MCCC2: variants seen among roughly 807,000 people sequenced by gnomAD.
MCCC2 encodes the protein methylcrotonyl-CoA carboxylase subunit 2.
MCCC2 carries 52 observed loss-of-function variants against 77.2 expected under a neutral mutation model. That is an observed-to-expected ratio of 0.67 (90% confidence interval 0.54 to 0.85). MCCC2 has a LOEUF of 0.85. Among genes scored for constraint, MCCC2 ranks in the 40% least tolerant of loss-of-function variants. MCCC2 has a pLI of 0.00. For missense variants in MCCC2, 682 were observed against 703.2 expected (o/e 0.97, Z 0.34); for synonymous variants, 253 against 248.4 (o/e 1.02, Z -0.18).
Position 71,649,374 on chromosome 5 carries a change from C to T in MCCC2, c.1373+121C>T, listed in dbSNP as rs568076342. On this transcript the variant is annotated intron_variant, in intron 14 of 16. Coordinates refer to ENST00000340941, the MANE Select transcript of MCCC2 (RefSeq NM_022132.5). ...ATTCCCAGATCTCAATCAATTATAC[C>T]GTAATTTGTATCATTTGGAGGGGTG... 6.8e-5 allele frequency: 66 copies of T among 972,984 alleles called. 1 individual carries two copies. The highest frequency in any genetic ancestry group is 6.2e-4 in the South Asian group (43 of 69,282). The allele number at this position is 972,984 out of a possible 1,614,324, so 60.3% of individuals were successfully genotyped here. A position where few individuals can be genotyped will look rare whatever the true frequency, so the allele number is the denominator to read the frequency against.
At chr5:71,610,146 G>A (rs1464655924) in intron 6 of MCCC2, among the ~76,000 whole-genome samples, 1 of 152,270 alleles carries the variant, frequency 6.6e-6, no homozygotes, top group Non-Finnish European at 1.5e-5. Flanking sequence ...CCTGGGCAAT[G>A]GCGAGCGCCC....
intron 6 of MCCC2, among the ~76,000 whole-genome samples, chr5:71,612,224 A>T (rs576824926): frequency 6.6e-6 from 1 of 152,308 alleles, no homozygotes; most frequent in South Asian, 2.1e-4. Flanking sequence ...GCATGGTTGG[A>T]ATATTTATAA....
chr5:71,604,364 G>T lies in MCCC2; in HGVS notation c.520G>T (p.Gly174Ter), dbSNP rs780896037. 1 of 1,613,908 alleles carries T rather than the reference G, an allele frequency of 6.2e-7. No homozygotes were observed. The highest frequency in any genetic ancestry group is 1.1e-5 in the South Asian group (1 of 91,076). Reference protein sequence around the residue: ...RLPCIYLVDSGGAYLPRQADV... With the variant: ...RLPCIYLVDS ...TCATTTCTTGTCTTCAGTTGATTCG[G>T]GAGGAGCATACTTACCTCGACAAGC... is the stretch of plus-strand genomic sequence containing the variant. Residue 174 changes from glycine (G) to a stop codon, truncating the protein, a stop_gained, in exon 6 of 17, where the codon GGA (glycine) becomes TGA (stop). Coordinates refer to ENST00000340941, the MANE Select transcript of MCCC2 (RefSeq NM_022132.5). LOFTEE classifies it high-confidence loss of function.
chr5:71,636,566 T>C (rs1407067867), intron 10 of MCCC2: 2 of 152,036 alleles, frequency 1.3e-5, no homozygotes, highest in Non-Finnish European at 2.9e-5. Flanking sequence ...CCGGGCGTGG[T>C]AGCACATGCC....
intron 8 of MCCC2, among the ~76,000 whole-genome samples, chr5:71,633,022 A>G (rs1407640367): frequency 6.7e-6 from 1 of 148,404 alleles, no homozygotes; most frequent in Non-Finnish European, 1.5e-5. Flanking sequence ...TTGCTCAATA[A>G]AGGTTTTAGA....
chr5:71,601,389 G>A (rs944276086), intron 4 of MCCC2, among the ~76,000 whole-genome samples: 3 of 152,162 alleles, frequency 2.0e-5, no homozygotes, highest in African/African-American at 7.2e-5. Flanking sequence ...TGGAGTGTGA[G>A]GTTATGGCCC....
intron 6 of MCCC2, among the ~76,000 whole-genome samples, chr5:71,614,524 C>T (rs1746093698): frequency 1.3e-5 from 2 of 151,586 alleles, no homozygotes; most frequent in Admixed American, 6.6e-5. Context: ...CTCTTGTCCC[C>T]AGGCTGGAGT....
chr5:71,609,452 T>A (rs980459553), intron 6 of MCCC2, among the ~76,000 whole-genome samples: 36 of 149,670 alleles, frequency 2.4e-4, no homozygotes, highest in African/African-American at 8.8e-4. Flanking sequence ...TATTGGTTAT[T>A]CTAGTTATAC....
At chr5:71,636,900 T>C (rs146613615) in intron 10 of MCCC2, among the ~76,000 whole-genome samples, 2,948 of 151,526 alleles carry the variant, frequency 0.019, 107 homozygotes, top group African/African-American at 0.067. Context: ...CCCGCCACCA[T>C]ACCTGGCTAA....
intron 8 of MCCC2, among the ~76,000 whole-genome samples, chr5:71,633,978 A>G (rs879588534): frequency 6.6e-6 from 1 of 152,190 alleles, no homozygotes; most frequent in Non-Finnish European, 1.5e-5. Flanking sequence ...CTCTGCTTTT[A>G]CTCAGGAACT....
At chr5:71,594,602 G>T (rs1745103199) in intron 2 of MCCC2, among the ~76,000 whole-genome samples, 1 of 152,058 alleles carries the variant, frequency 6.6e-6, no homozygotes, top group Non-Finnish European at 1.5e-5. Context: ...TGCCTGCTGG[G>T]GATGGTGGAT....
At chr5:71,633,131 A>ATTTTTTTTTTTTTTT (rs1306338509) in intron 8 of MCCC2, among the ~76,000 whole-genome samples, 54 of 78,042 alleles carry the variant, frequency 6.9e-4, no homozygotes, top group Admixed American at 1.6e-3. Flanking sequence ...ATATATATAT[A>ATTTTTTTTTTTTTTT]TTTTTATTTT....
rs374302811 is a variant in MCCC2, at chr5:71,602,903, A to T, written c.511+270A>T. On this transcript the variant is annotated intron_variant, in intron 5 of 16. Transcript: ENST00000340941. ...GTGGTTTTTTTTTTTTGTTCTCTAG[A>T]TCCTGTTTTTCTTTTAACTTTATGG... The T allele has an allele frequency of 6.9e-5, 31 of 452,400 alleles. 1 individual carries two copies. Among genetic ancestry groups the T allele is most frequent in the East Asian group, 4.7e-4 (11 of 23,558 alleles). 28.0% of individuals were successfully genotyped at this position (452,400 alleles called of 1,614,324 possible). A position where few individuals can be genotyped will look rare whatever the true frequency, so the allele number is the denominator to read the frequency against.
At chr5:71,648,671 A>T (rs1463322677) in intron 13 of MCCC2, among the ~76,000 whole-genome samples, 2 of 152,054 alleles carry the variant, frequency 1.3e-5, no homozygotes, top group East Asian at 1.9e-4. Flanking sequence ...TCTCCTTTTT[A>T]AAATTTTTAT....
intron 3 of MCCC2, among the ~76,000 whole-genome samples, chr5:71,597,966 C>T (rs984152827): frequency 6.6e-6 from 1 of 152,014 alleles, no homozygotes; most frequent in Non-Finnish European, 1.5e-5. Context: ...TAACCTTAGA[C>T]AAGTGACTTG....
Position 71,602,577 on chromosome 5 carries a change from A to T in MCCC2, c.455A>T (p.Lys152Ile). 6.2e-7 allele frequency: 1 copy of T among 1,614,184 alleles called. No homozygotes were observed. The change falls in exon 5 of 17, where the codon AAA becomes ATA. Residue 152 changes from lysine to isoleucine, a missense_variant. Lys to Ile is a moderately radical substitution (Grantham distance 102). Transcript: ENST00000340941. ...GGAYYPVTVK[K>I]QLRAQEIAMQ... ...GCCTACTACCCAGTGACTGTGAAAA[A>T]ACAATTACGGGCCCAAGAAATTGCC... is the stretch of plus-strand genomic sequence containing the variant.
intron 6 of MCCC2, among the ~76,000 whole-genome samples, chr5:71,621,001 G>T (rs559076508): frequency 7.2e-5 from 11 of 152,224 alleles, no homozygotes; most frequent in South Asian, 2.1e-4. Context: ...GTCTGTCCTG[G>T]TACAATGCCT....
chr5:71,627,427 G>A (rs1237621677), intron 7 of MCCC2, among the ~76,000 whole-genome samples: 1 of 152,084 alleles, frequency 6.6e-6, no homozygotes. Flanking sequence ...TCCTTTTTAT[G>A]GCTGAATAAT....
chr5:71,626,611 CAT>C, intron 6 of MCCC2, 27 bp from the exon 7 acceptor site: 1 of 1,551,900 alleles, frequency 6.4e-7, no homozygotes, highest in Non-Finnish European at 8.9e-7. Flanking sequence ...AGCTGCATCT[CAT>C]GTGTTTGTCG....
Sources: gnomAD v4.1 joint callset for allele counts (sites outside exome capture counted in the v4.1 genomes callset) on GRCh38, gnomAD v4.1.1 for gene constraint, MANE v1.5 for transcripts, NCBI Gene and HGNC (gene_info 2026-07-23, HGNC 2026-07-21) for gene names.